The following GUCY1A2 variants were observed in gnomAD, a reference collection of about 807,000 sequenced individuals.
The protein encoded by GUCY1A2 is guanylate cyclase soluble subunit alpha-2.
A neutral mutation model predicts 63.5 loss-of-function variants in GUCY1A2; 27 were observed. That is an observed-to-expected ratio of 0.43 (90% CI 0.31 to 0.59). The LOEUF (loss-of-function observed/expected upper bound fraction) is 0.59, where lower values mean the gene tolerates loss of function less well. GUCY1A2 is among the 20% of genes least tolerant of loss of function. The pLI is 0.11. For missense variants in GUCY1A2, 768 were observed against 913.3 expected (o/e 0.84, Z 2.05); for synonymous variants, 364 against 343.5 (o/e 1.06, Z -0.66).
At chr11:106,841,282 A>C (rs1332671967) in intron 4 of GUCY1A2, among the ~76,000 whole-genome samples, 1 of 151,814 alleles carries the variant, frequency 6.6e-6, no homozygotes, top group African/African-American at 2.4e-5. Context: ...TGCTTCGAGG[A>C]GGCTTTTTTG....
chr11:106,989,397 C>A (rs1861442821), intron 1 of GUCY1A2, among the ~76,000 whole-genome samples: 1 of 151,416 alleles, frequency 6.6e-6, no homozygotes, highest in South Asian at 2.1e-4. Flanking sequence ...TATTATTATA[C>A]TTTAAGTTCT....
At chr11:106,927,370 C>G (rs1860540581) in intron 4 of GUCY1A2, among the ~76,000 whole-genome samples, 1 of 150,092 alleles carries the variant, frequency 6.7e-6, no homozygotes, top group African/African-American at 2.4e-5. Context: ...GAGACTCCGT[C>G]TCAAAAAAAA....
intron 4 of GUCY1A2, among the ~76,000 whole-genome samples, chr11:106,883,878 A>C (rs1859861131): frequency 6.6e-6 from 1 of 152,114 alleles, no homozygotes; most frequent in Admixed American, 6.6e-5. Context: ...GGATGAGTTC[A>C]TGTCCTTTGT....
At chr11:106,963,181 C>G (rs1490103990) in intron 3 of GUCY1A2, among the ~76,000 whole-genome samples, 1 of 152,082 alleles carries the variant, frequency 6.6e-6, no homozygotes, top group Non-Finnish European at 1.5e-5. Context: ...ATGATGCATA[C>G]TGGCTATTTA....
intron 1 of GUCY1A2, among the ~76,000 whole-genome samples, chr11:106,990,573 G>GTC (rs536249510): frequency 9.9e-5 from 15 of 151,998 alleles, no homozygotes; most frequent in South Asian, 4.2e-4. Context: ...GTAAAGATGT[G>GTC]TCTCTCTCTC....
intron 3 of GUCY1A2, among the ~76,000 whole-genome samples, chr11:106,972,015 C>T (rs1261255181): frequency 6.6e-6 from 1 of 152,092 alleles, no homozygotes; most frequent in East Asian, 1.9e-4. Context: ...CATACCAAAG[C>T]AAACAGGAAA....
chr11:106,857,108 A>C (rs780912944), intron 4 of GUCY1A2, among the ~76,000 whole-genome samples: 8 of 152,232 alleles, frequency 5.3e-5, no homozygotes, highest in Non-Finnish European at 8.8e-5. Flanking sequence ...GAATAAATTT[A>C]GTCCTTGTCT....
At chr11:106,770,202 C>A (rs1461359204) in intron 6 of GUCY1A2, among the ~76,000 whole-genome samples, 6 of 151,978 alleles carry the variant, frequency 3.9e-5, no homozygotes, top group Admixed American at 2.6e-4. Context: ...TGCATACAAC[C>A]TATGGACATC....
In GUCY1A2 at chr11:106,940,180, T is replaced by C; in HGVS notation, c.488-2A>G. On this transcript the variant is annotated splice_acceptor_variant, in intron 3 of 7. Coordinates refer to ENST00000526355, the MANE Select transcript of GUCY1A2 (RefSeq NM_000855.3). LOFTEE classifies it high-confidence loss of function. ...TTTGAATTTCCTCAAACTTCAAACCTAGAGGTAAATGGGAAGCAAATGTTA... is the reference window on the plus strand; with the variant it reads ...TTTGAATTTCCTCAAACTTCAAACCCAGAGGTAAATGGGAAGCAAATGTTA... 1 of 1,371,536 alleles carries C rather than the reference T, an allele frequency of 7.3e-7. No homozygotes were observed. Among genetic ancestry groups the C allele is most frequent in the Non-Finnish European group, 1.0e-6 (1 of 970,900 alleles). The allele number at this position is 1,371,536 out of a possible 1,614,324, so 85.0% of individuals were successfully genotyped here. A position where few individuals can be genotyped will look rare whatever the true frequency, so the allele number is the denominator to read the frequency against.
intron 4 of GUCY1A2, among the ~76,000 whole-genome samples, chr11:106,937,733 CAT>C (rs1860698524): frequency 6.6e-6 from 1 of 152,228 alleles, no homozygotes; most frequent in East Asian, 1.9e-4. Context: ...ATATAATATA[CAT>C]ATGTGACAAT....
chr11:107,016,506 G>A (rs1003938769), intron 1 of GUCY1A2, among the ~76,000 whole-genome samples: 2 of 152,250 alleles, frequency 1.3e-5, no homozygotes, highest in African/African-American at 4.8e-5. Flanking sequence ...TCCTCTGGAA[G>A]GATGCCTACA....
At chr11:106,692,753 G>A (rs1284872080) in intron 7 of GUCY1A2, among the ~76,000 whole-genome samples, 1 of 152,156 alleles carries the variant, frequency 6.6e-6, no homozygotes. Context: ...TATCTCTGAC[G>A]ATAATATGTA....
At chr11:106,733,938 ACT>A (rs1264697738) in intron 6 of GUCY1A2, among the ~76,000 whole-genome samples, 1 of 152,040 alleles carries the variant, frequency 6.6e-6, no homozygotes, top group Non-Finnish European at 1.5e-5. Context: ...TCTCCTAGAG[ACT>A]CTGAAACATT....
Position 107,018,014 on chromosome 11 carries a change from C to CA in GUCY1A2, c.41dup (p.Ser16LeufsTer18). 6.8e-7 allele frequency: 1 copy of CA among 1,479,662 alleles called. No individual in the cohort carries two copies. The highest frequency in any genetic ancestry group is 9.1e-7 in the Non-Finnish European group (1 of 1,104,852). 91.7% of individuals were successfully genotyped at this position (1,479,662 alleles called of 1,614,324 possible). On this transcript the variant is annotated frameshift_variant, in exon 1 of 8. Transcript: ENST00000526355. LOFTEE classifies it high-confidence loss of function. Reference sequence around the variant, plus strand: ...GGCTGGTCTCCAGGTAGTCGGAGCCCAGGGAGCTGAAGGACTCGGACGAAA... The same window carrying CA: ...GGCTGGTCTCCAGGTAGTCGGAGCCCAAGGGAGCTGAAGGACTCGGACGAAA...
At chr11:106,890,047 T>C (rs1382402957) in intron 4 of GUCY1A2, among the ~76,000 whole-genome samples, 1 of 152,174 alleles carries the variant, frequency 6.6e-6, no homozygotes, top group African/African-American at 2.4e-5. Context: ...GATCCTCACC[T>C]AATTTGTCAC....
At chr11:106,953,796 T>C (rs1415039985) in intron 3 of GUCY1A2, among the ~76,000 whole-genome samples, 1 of 152,148 alleles carries the variant, frequency 6.6e-6, no homozygotes, top group African/African-American at 2.4e-5. Context: ...CTAGATTTTC[T>C]AGTTTATTTG....
chr11:106,692,959 T>G (rs980424725), intron 7 of GUCY1A2, among the ~76,000 whole-genome samples: 1 of 152,246 alleles, frequency 6.6e-6, no homozygotes, highest in Admixed American at 6.5e-5. Context: ...CTCTGACATC[T>G]GCACGTTTGA....
chr11:106,850,100 T>C (rs189584300), intron 4 of GUCY1A2, among the ~76,000 whole-genome samples: 6 of 151,886 alleles, frequency 4.0e-5, no homozygotes, highest in Admixed American at 3.9e-4. Flanking sequence ...CTTCACAGAT[T>C]TGCCCATTCT....
intron 5 of GUCY1A2, among the ~76,000 whole-genome samples, chr11:106,793,796 A>G (rs573827706): frequency 1.1e-4 from 16 of 152,236 alleles, no homozygotes; most frequent in Admixed American, 3.3e-4. Context: ...TAAAGCCACA[A>G]CGAGATATCA....
Sources: allele counts gnomAD v4.1 joint callset (sites outside exome capture counted in the v4.1 genomes callset), GRCh38; gene constraint gnomAD v4.1.1; transcripts MANE v1.5; gene names NCBI Gene and HGNC (gene_info 2026-07-23, HGNC 2026-07-21).